PCDHA6: variants seen among roughly 807,000 people sequenced by gnomAD.
PCDHA6 encodes protocadherin alpha-6.
A neutral mutation model predicts 60.3 loss-of-function variants in PCDHA6; 55 were observed. The ratio of observed to expected loss-of-function variants is 0.91; its 90% CI spans 0.73 to 1.14. PCDHA6 has a LOEUF of 1.14. Among genes scored for constraint, PCDHA6 ranks in the 50% most tolerant of loss-of-function variants. The pLI is 0.00. For missense variants in PCDHA6, 1,327 were observed against 1,256.5 expected (o/e 1.06, Z -0.85); for synonymous variants, 652 against 557.9 (o/e 1.17, Z -2.38).
chr5:140,829,809 C>T lies in PCDHA6; in HGVS notation c.1718C>T (p.Thr573Ile), dbSNP rs139323547. ...PALLAPRVGG[T>I]GGAVSELVPR... The stretch of plus-strand genomic sequence containing the variant: ...CTGCTGGCGCCTCGGGTGGGTGGTA[C>T]TGGTGGTGCAGTGAGCGAGCTGGTG... The change falls in exon 1 of 4, where the codon ACT becomes ATT. Residue 573 changes from threonine (T) to isoleucine (I), a missense_variant. By Grantham distance (89) the Thr-to-Ile change is moderately conservative. Coordinates refer to ENST00000529310, the MANE Select transcript of PCDHA6 (RefSeq NM_018909.4). The T allele has an allele frequency of 1.0e-3, 1,632 of 1,613,854 alleles. 19 individuals are homozygous for T. The African/African-American group carries it at 0.019, about 19-fold the overall frequency.
chr5:140,884,358 A>G lies in PCDHA6; in HGVS notation c.2394+53873A>G, dbSNP rs546242835. On this transcript the variant is annotated intron_variant, in intron 1 of 3. Coordinates refer to ENST00000529310, the MANE Select transcript of PCDHA6 (RefSeq NM_018909.4). Reference sequence around the variant, plus strand: ...CCAGAAGCGGCGCTGGTGGATGTCAATGTTTACTTGATCATTGCCATCTGC... The same window carrying G: ...CCAGAAGCGGCGCTGGTGGATGTCAGTGTTTACTTGATCATTGCCATCTGC... The G allele has an allele frequency of 7.8e-5, 126 of 1,613,886 alleles. 3 individuals carry two copies. The South Asian group carries it at 1.1e-3, about 14-fold the overall frequency.
At chr5:140,877,357 G>A in intron 1 of PCDHA6, 2 of 1,614,020 alleles carry the variant, frequency 1.2e-6, no homozygotes, top group African/African-American at 2.7e-5. Flanking sequence ...GCTGTACACT[G>A]GCGAGATCAG....
chr5:140,989,805 A>G (rs3776110), intron 3 of PCDHA6, among the ~76,000 whole-genome samples: 8,341 of 152,306 alleles, frequency 0.055, 292 homozygotes, highest in East Asian at 0.12. Context: ...GGAAAGGGCC[A>G]TAAGATTGGT....
intron 1 of PCDHA6, among the ~76,000 whole-genome samples, chr5:140,963,607 G>A (rs558578531): frequency 2.0e-5 from 3 of 152,306 alleles, no homozygotes; most frequent in Non-Finnish European, 4.4e-5. Context: ...GACGTAATTG[G>A]GAAAGCTTAA....
At chr5:140,863,065 G>C (rs2047759481) in intron 1 of PCDHA6, 1 of 566,972 alleles carries the variant, frequency 1.8e-6, no homozygotes, top group Non-Finnish European at 3.5e-6. Flanking sequence ...GTTCCACGTG[G>C]GGCTCTGCAC....
chr5:140,869,724 A>G (rs1554163381), intron 1 of PCDHA6: 1 of 1,613,416 alleles, frequency 6.2e-7, no homozygotes. Flanking sequence ...AAACTCCGGA[A>G]CTTAATTTGC....
rs200441286 is a variant in PCDHA6, at chr5:140,856,169, G to A, written c.2394+25684G>A. 1.9e-6 allele frequency: 3 copies of A among 1,598,230 alleles called. 1 individual carries two copies. The highest frequency in any genetic ancestry group is 2.6e-6 in the Non-Finnish European group (3 of 1,167,916). On this transcript the variant is annotated intron_variant, in intron 1 of 3. Transcript: ENST00000529310. ...CTCAGTCTACGAGGAGGCCAGACACGGCACCTTCGTGGGCCGCATCGCGCA... is the reference window on the plus strand; with the variant it reads ...CTCAGTCTACGAGGAGGCCAGACACAGCACCTTCGTGGGCCGCATCGCGCA...
intron 1 of PCDHA6, among the ~76,000 whole-genome samples, chr5:140,951,339 G>A (rs246043): frequency 0.56 from 85,609 of 151,878 alleles, 24,748 homozygotes; most frequent in African/African-American, 0.69. Context: ...TTCTGTTTGT[G>A]TTAGTCCATT....
chr5:140,912,222 C>G (rs782160814), intron 1 of PCDHA6, among the ~76,000 whole-genome samples: 2 of 151,926 alleles, frequency 1.3e-5, no homozygotes, highest in Non-Finnish European at 2.9e-5. Flanking sequence ...CTGCCTTTCC[C>G]AGTCCACTGA....
rs146090059 is a variant in PCDHA6 at position 140,857,944 on chromosome 5, G to A, written c.2394+27459G>A. 6.4e-5 allele frequency: 102 copies of A among 1,597,474 alleles called. 12 individuals are homozygous for A. The highest frequency in any genetic ancestry group is 5.1e-4 in the Admixed American group (30 of 59,248). ...GGCTGTACACGGGCGAGATCAGTAC[G>A]ACGCGCGCTCTGGATGAGACTGACT... On this transcript the variant is annotated intron_variant, in intron 1 of 3. Coordinates refer to ENST00000529310, the MANE Select transcript of PCDHA6 (RefSeq NM_018909.4).
chr5:140,958,492 A>G (rs2095426229), intron 1 of PCDHA6, among the ~76,000 whole-genome samples: 1 of 152,112 alleles, frequency 6.6e-6, no homozygotes, highest in Non-Finnish European at 1.5e-5. Context: ...AAGTCCACAT[A>G]TCCTAGGAGG....
intron 1 of PCDHA6, chr5:140,870,529 G>C: frequency 6.2e-7 from 1 of 1,614,214 alleles, no homozygotes. Flanking sequence ...CATCTTCACA[G>C]TGTCGGCGCG....
rs370111655 is a variant in PCDHA6, at chr5:140,902,185, TTCTC to T, written c.2394+71712_2394+71715del. Reference sequence around the variant, plus strand: ...TTCTAATTTGGATGTCCTTTATGTCTTCTCTCTCTCTCTCTTTCTTTTTTTTTTT... The same window carrying T: ...TTCTAATTTGGATGTCCTTTATGTCTTCTCTCTCTCTTTCTTTTTTTTTTT... On this transcript the variant is annotated intron_variant, in intron 1 of 3. Coordinates refer to ENST00000529310, the MANE Select transcript of PCDHA6 (RefSeq NM_018909.4). Among the ~76,000 whole-genome samples, 704 of 150,894 alleles carry T rather than the reference TTCTC, an allele frequency of 4.7e-3. 6 individuals carry two copies. Among genetic ancestry groups the T allele is most frequent in the African/African-American group, 0.015 (608 of 41,076 alleles).
chr5:140,846,801 G>A (rs1780686436), intron 1 of PCDHA6, among the ~76,000 whole-genome samples: 1 of 149,422 alleles, frequency 6.7e-6, no homozygotes, highest in Admixed American at 6.7e-5. Context: ...CCAGCCCCTG[G>A]CTTTAAAATT....
intron 1 of PCDHA6, chr5:140,865,066 G>A (rs1299001288): frequency 1.3e-5 from 2 of 152,140 alleles, no homozygotes; most frequent in African/African-American, 4.8e-5. Flanking sequence ...AATAACTTAA[G>A]TATAAGAACC....
intron 1 of PCDHA6, chr5:140,875,367 T>C (rs937879067): frequency 6.9e-7 from 1 of 1,449,048 alleles, no homozygotes; most frequent in Non-Finnish European, 9.1e-7. Context: ...CTGGAAAAAA[T>C]TTACTAAATA....
chr5:140,868,449 C>T (rs1323009325), intron 1 of PCDHA6: 1 of 152,158 alleles, frequency 6.6e-6, no homozygotes, highest in Non-Finnish European at 1.5e-5. Context: ...GGAACATAAA[C>T]ACTAAAGAGC....
In PCDHA6 at chr5:140,843,124, G is replaced by C. The variant is rs200664126; in HGVS notation, c.2394+12639G>C. 20 of 1,595,754 alleles carry C rather than the reference G, an allele frequency of 1.3e-5. 2 individuals are homozygous for C. Among genetic ancestry groups the C allele is most frequent in the South Asian group, 7.7e-5 (7 of 90,518 alleles). On this transcript the variant is annotated intron_variant, in intron 1 of 3. Transcript: ENST00000529310. ...AGGTGCGCGCAGTGGACGCCGACTC[G>C]GGCTACAACGCGTGGCTTTCGTATG...
At chr5:140,888,037 A>T (rs547880007) in intron 1 of PCDHA6, among the ~76,000 whole-genome samples, 8 of 152,186 alleles carry the variant, frequency 5.3e-5, no homozygotes, top group Non-Finnish European at 1.0e-4. Flanking sequence ...ATATTAGTAC[A>T]TGTATAATAG....
Sources: gnomAD v4.1 joint callset for allele counts (sites outside exome capture counted in the v4.1 genomes callset) on GRCh38, gnomAD v4.1.1 for gene constraint, MANE v1.5 for transcripts, NCBI Gene and HGNC (gene_info 2026-07-23, HGNC 2026-07-21) for gene names.